Variants in HEMK2 observed in about 807,000 individuals in gnomAD.
The protein encoded by HEMK2 is methyltransferase HEMK2.
chr21:28,681,405 T>G, the HEMK2 span, among the ~76,000 whole-genome samples: 2 of 151,938 alleles, frequency 1.3e-5, no homozygotes, highest in East Asian at 3.9e-4. Context: ...TAAAAGAGGA[T>G]ACAAACAAAT....
the HEMK2 span, among the ~76,000 whole-genome samples, chr21:28,667,559 T>C: frequency 1.0e-4 from 15 of 148,594 alleles, no homozygotes; most frequent in Non-Finnish European, 1.9e-4. Flanking sequence ...TTTATGTTGT[T>C]TCATGATGTG....
At chr21:28,675,596 G>A in the HEMK2 span, among the ~76,000 whole-genome samples, 1 of 152,156 alleles carries the variant, frequency 6.6e-6, no homozygotes, top group South Asian at 2.1e-4. Flanking sequence ...AAACTATAAG[G>A]ATTGATGATG....
chr21:28,788,199 CGTATATATACGTATATATGTATATAT>C, the HEMK2 span, among the ~76,000 whole-genome samples: 1 of 147,200 alleles, frequency 6.8e-6, no homozygotes, highest in Non-Finnish European at 1.5e-5. Flanking sequence ...TACGTATATA[CGTATATATACGTATATATGTATATAT>C]ACACGTATAT....
At chr21:28,612,018 T>C in the HEMK2 span, among the ~76,000 whole-genome samples, 1 of 151,888 alleles carries the variant, frequency 6.6e-6, no homozygotes, top group Non-Finnish European at 1.5e-5. Flanking sequence ...GGTACCAATC[T>C]TATTGACACT....
chr21:28,838,612 C>A, the HEMK2 span, among the ~76,000 whole-genome samples: 1 of 149,514 alleles, frequency 6.7e-6, no homozygotes, highest in Non-Finnish European at 1.5e-5. Context: ...AAATCCTTAA[C>A]AAAATACGAA....
At chr21:28,879,289 C>T in the HEMK2 span, among the ~76,000 whole-genome samples, 3 of 152,060 alleles carry the variant, frequency 2.0e-5, no homozygotes, top group Admixed American at 6.6e-5. Context: ...ATCGTCCAGG[C>T]TGGAGTGCAG....
At chr21:28,878,236 G>A in the HEMK2 span, 1 of 1,601,788 alleles carries the variant, frequency 6.2e-7, no homozygotes, top group Non-Finnish European at 8.5e-7. Context: ...TAATCCTCTT[G>A]GTGAAAGGAG....
chr21:28,786,577 A>G, the HEMK2 span, among the ~76,000 whole-genome samples: 2 of 151,954 alleles, frequency 1.3e-5, no homozygotes, highest in African/African-American at 4.8e-5. Context: ...AGGCTGAAGC[A>G]CAAGAATCAC....
chr21:28,691,633 A>C, the HEMK2 span, among the ~76,000 whole-genome samples: 1 of 152,176 alleles, frequency 6.6e-6, no homozygotes, highest in African/African-American at 2.4e-5. Flanking sequence ...ATAGTATTTC[A>C]ATGCCACAAT....
the HEMK2 span, among the ~76,000 whole-genome samples, chr21:28,629,666 C>A: frequency 7.9e-5 from 12 of 152,220 alleles, no homozygotes; most frequent in Non-Finnish European, 1.6e-4. Context: ...AGACTCAAAT[C>A]TGATCCAGGA....
chr21:28,875,592 T>G, the HEMK2 span: 1 of 153,256 alleles, frequency 6.5e-6, no homozygotes, highest in Admixed American at 6.5e-5. Flanking sequence ...TTCTGGGCCC[T>G]ACTCAAAACT....
the HEMK2 span, among the ~76,000 whole-genome samples, chr21:28,812,948 G>A: frequency 1.3e-5 from 2 of 152,116 alleles, no homozygotes; most frequent in Non-Finnish European, 2.9e-5. Context: ...ACTCTCTGAT[G>A]GTAGTTTGTA....
chr21:28,579,294 A>T, the HEMK2 span, among the ~76,000 whole-genome samples: 22 of 152,318 alleles, frequency 1.4e-4, no homozygotes, highest in South Asian at 3.3e-3. Context: ...TTATTTCAGC[A>T]TTCTTGTGTG....
the HEMK2 span, among the ~76,000 whole-genome samples, chr21:28,760,711 C>G: frequency 2.7e-4 from 41 of 152,098 alleles, 1 homozygote; most frequent in African/African-American, 8.4e-4. Flanking sequence ...GTACACTGTC[C>G]CATCTTATGA....
chr21:28,599,687 A>G, the HEMK2 span, among the ~76,000 whole-genome samples: 1 of 152,150 alleles, frequency 6.6e-6, no homozygotes, highest in South Asian at 2.1e-4. Flanking sequence ...GCATTAACTC[A>G]AAAGTCCACA....
the HEMK2 span, among the ~76,000 whole-genome samples, chr21:28,841,677 GA>G: frequency 6.6e-6 from 1 of 150,654 alleles, no homozygotes; most frequent in Non-Finnish European, 1.5e-5. Flanking sequence ...GGAAGAGTGG[GA>G]GGGGATGAGG....
the HEMK2 span, among the ~76,000 whole-genome samples, chr21:28,588,740 GAGGT>G: frequency 6.6e-6 from 1 of 152,138 alleles, no homozygotes; most frequent in Non-Finnish European, 1.5e-5. Context: ...GGAGGCCGAG[GAGGT>G]CGGATCACGA....
At chr21:28,648,185 T>C in the HEMK2 span, among the ~76,000 whole-genome samples, 1 of 152,216 alleles carries the variant, frequency 6.6e-6, no homozygotes, top group Non-Finnish European at 1.5e-5. Context: ...AATTATTCCA[T>C]GTTTGGACAT....
At chr21:28,694,997 CAAAA>C in the HEMK2 span, among the ~76,000 whole-genome samples, 2 of 110,056 alleles carry the variant, frequency 1.8e-5, no homozygotes, top group Non-Finnish European at 1.9e-5. Context: ...GACTCTGTCT[CAAAA>C]AAAAAAAAAA....
Sources: gnomAD v4.1 joint callset for allele counts (sites outside exome capture counted in the v4.1 genomes callset) on GRCh38, gnomAD v4.1.1 for gene constraint, MANE v1.5 for transcripts, NCBI Gene and HGNC (gene_info 2026-07-23, HGNC 2026-07-21) for gene names.